The following AGBL4 variants were observed in gnomAD, a reference collection of about 807,000 sequenced individuals.
The protein encoded by AGBL4 is AGBL carboxypeptidase 4.
AGBL4 carries 58 observed loss-of-function variants against 66.4 expected under a neutral mutation model. The ratio of observed to expected loss-of-function variants is 0.87; its 90% CI spans 0.71 to 1.09. The LOEUF (loss-of-function observed/expected upper bound fraction) is 1.09. Among genes scored for constraint, AGBL4 ranks in the 50% least tolerant of loss-of-function variants. The pLI is 0.00. For synonymous variants in AGBL4, 234 were observed against 222.9 expected (o/e 1.05, Z -0.44); for missense variants, 579 against 631.0 (o/e 0.92, Z 0.88).
chr1:49,193,903 A>C (rs564807027), intron 4 of AGBL4, among the ~76,000 whole-genome samples: 16 of 152,182 alleles, frequency 1.1e-4, no homozygotes, highest in Non-Finnish European at 2.2e-4. Flanking sequence ...ATTTTAAAAA[A>C]TTTACTGATA....
At chr1:49,111,418 C>T (rs1404615372) in intron 4 of AGBL4, among the ~76,000 whole-genome samples, 4 of 152,300 alleles carry the variant, frequency 2.6e-5, no homozygotes, top group African/African-American at 9.6e-5. Flanking sequence ...GGCCCAATTC[C>T]TTGAATTCTA....
chr1:49,874,104 T>A (rs1030468424), intron 1 of AGBL4, among the ~76,000 whole-genome samples: 15 of 152,034 alleles, frequency 9.9e-5, no homozygotes, highest in Non-Finnish European at 2.1e-4. Flanking sequence ...CAATGGTAAT[T>A]TAACCTGAAA....
chr1:49,538,080 G>A (rs1026137572), intron 3 of AGBL4, among the ~76,000 whole-genome samples: 6 of 152,128 alleles, frequency 3.9e-5, no homozygotes, highest in African/African-American at 9.7e-5. Context: ...ATTTGATCTA[G>A]GAATCTCACT....
chr1:50,007,979 C>T (rs1661260633), intron 1 of AGBL4, among the ~76,000 whole-genome samples: 1 of 150,768 alleles, frequency 6.6e-6, no homozygotes, highest in Non-Finnish European at 1.5e-5. Flanking sequence ...GAGGATAAAA[C>T]AATTAGAAAT....
intron 3 of AGBL4, among the ~76,000 whole-genome samples, chr1:49,273,667 TTTTTA>T (rs917540918): frequency 3.9e-5 from 6 of 151,916 alleles, no homozygotes; most frequent in Non-Finnish European, 7.4e-5. Context: ...TTTTGTTTAC[TTTTTA>T]TTTTATTTTA....
rs112528955 is a variant in AGBL4, at chr1:48,951,302, GTGTGACTACACTAATCACA to G, written c.595-84091_595-84073del. Among the ~76,000 whole-genome samples, 223 of 152,298 alleles carry G rather than the reference GTGTGACTACACTAATCACA, an allele frequency of 1.5e-3. 2 individuals are homozygous for G. Among genetic ancestry groups the G allele is most frequent in the African/African-American group, 4.5e-3 (187 of 41,566 alleles). ...TCTCTGGCGAGATTCTTAAGGTTTT[GTGTGACTACACTAATCACA>G]TGTGACTACACTAATCACATGTGAA... is the stretch of plus-strand genomic sequence containing the variant. On this transcript the variant is annotated intron_variant, in intron 5 of 13. Coordinates refer to ENST00000371839, the MANE Select transcript of AGBL4 (RefSeq NM_032785.4).
intron 1 of AGBL4, among the ~76,000 whole-genome samples, chr1:49,926,148 C>A (rs766981178): frequency 4.6e-5 from 7 of 152,304 alleles, no homozygotes; most frequent in Non-Finnish European, 1.0e-4. Flanking sequence ...ACTTGTGTCA[C>A]CCCTCCTCCA....
intron 8 of AGBL4, among the ~76,000 whole-genome samples, chr1:48,635,691 T>C (rs1177827687): frequency 6.6e-6 from 1 of 152,152 alleles, no homozygotes; most frequent in Non-Finnish European, 1.5e-5. Flanking sequence ...AAGAGCCTCT[T>C]TCATCATGGA....
intron 4 of AGBL4, among the ~76,000 whole-genome samples, chr1:49,049,192 G>T (rs569535196): frequency 1.3e-5 from 2 of 152,058 alleles, no homozygotes; most frequent in African/African-American, 4.8e-5. Context: ...TTTTGTGCTC[G>T]ATCTTTCCTC....
intron 2 of AGBL4, among the ~76,000 whole-genome samples, chr1:49,761,252 A>C (rs945350072): frequency 6.6e-6 from 1 of 152,178 alleles, no homozygotes; most frequent in African/African-American, 2.4e-5. Flanking sequence ...TTTATTTTAA[A>C]AAGAAGGCTA....
At chr1:49,095,435 T>C (rs965613894) in intron 4 of AGBL4, among the ~76,000 whole-genome samples, 1 of 152,144 alleles carries the variant, frequency 6.6e-6, no homozygotes, top group African/African-American at 2.4e-5. Context: ...CTTCAAACTA[T>C]ACTACAAGGC....
At chr1:48,668,861 T>A (rs894882166) in intron 6 of AGBL4, among the ~76,000 whole-genome samples, 1 of 152,244 alleles carries the variant, frequency 6.6e-6, no homozygotes, top group African/African-American at 2.4e-5. Flanking sequence ...TATAATTTTA[T>A]GAGAATATAT....
intron 5 of AGBL4, among the ~76,000 whole-genome samples, chr1:49,003,614 C>T (rs1483795367): frequency 6.6e-6 from 1 of 152,092 alleles, no homozygotes; most frequent in East Asian, 1.9e-4. Flanking sequence ...ACTCCCACAG[C>T]CCCTTATCAA....
chr1:49,816,940 T>C (rs1425157971), intron 2 of AGBL4, among the ~76,000 whole-genome samples: 1 of 152,088 alleles, frequency 6.6e-6, no homozygotes, highest in Non-Finnish European at 1.5e-5. Flanking sequence ...CAAAATCAGA[T>C]TGGTCAAACT....
chr1:49,840,806 T>C (rs1458488064), intron 2 of AGBL4, among the ~76,000 whole-genome samples: 2 of 152,168 alleles, frequency 1.3e-5, no homozygotes, highest in South Asian at 2.1e-4. Flanking sequence ...TATCCCTTCA[T>C]GATAAAAACC....
intron 3 of AGBL4, among the ~76,000 whole-genome samples, chr1:49,546,793 A>G (rs1212351583): frequency 6.6e-6 from 1 of 152,060 alleles, no homozygotes; most frequent in Non-Finnish European, 1.5e-5. Flanking sequence ...CTTATTAGCC[A>G]TTTGTATATC....
intron 2 of AGBL4, among the ~76,000 whole-genome samples, chr1:49,741,766 A>G (rs1162349399): frequency 6.6e-6 from 1 of 152,228 alleles, no homozygotes; most frequent in Non-Finnish European, 1.5e-5. Context: ...CAATAAATGT[A>G]GTCCAGCATA....
chr1:49,437,068 T>C (rs1645920148), intron 3 of AGBL4, among the ~76,000 whole-genome samples: 1 of 152,106 alleles, frequency 6.6e-6, no homozygotes, highest in Non-Finnish European at 1.5e-5. Context: ...GTGGGGAGCA[T>C]CATGGGCCCA....
At chr1:48,890,449 C>T (rs1440696873) in intron 5 of AGBL4, among the ~76,000 whole-genome samples, 2 of 152,100 alleles carry the variant, frequency 1.3e-5, no homozygotes, top group Admixed American at 1.3e-4. Flanking sequence ...GAGTAAGAAT[C>T]TATGTATATA....
Sources: allele counts gnomAD v4.1 joint callset (sites outside exome capture counted in the v4.1 genomes callset), GRCh38; gene constraint gnomAD v4.1.1; transcripts MANE v1.5; gene names NCBI Gene and HGNC (gene_info 2026-07-23, HGNC 2026-07-21).